TMEM164: variants seen among roughly 807,000 people sequenced by gnomAD.
TMEM164 encodes transmembrane protein 164.
A neutral mutation model predicts 18.8 loss-of-function variants in TMEM164; 4 were observed. The ratio of observed to expected loss-of-function variants is 0.21; its 90% CI spans 0.10 to 0.49. The LOEUF (loss-of-function observed/expected upper bound fraction) is 0.49. TMEM164 is among the 20% of genes least tolerant of loss of function. The pLI is 0.98. For missense variants in TMEM164, 108 were observed against 239.9 expected, an observed-to-expected ratio of 0.45 and a Z score of 3.63; for synonymous variants, 86 against 101.7, an observed-to-expected ratio of 0.85 and a Z score of 0.93.
At chrX:110,137,599 C>G (rs774236126) in intron 4 of TMEM164, among the ~76,000 whole-genome samples, 16 of 111,858 alleles carry the variant, frequency 1.4e-4, no homozygotes, top group African/African-American at 5.2e-4. Flanking sequence ...AACTACATAC[C>G]ATGCATGCCT....
At chrX:110,123,681 A>G (rs747106290) in intron 4 of TMEM164, among the ~76,000 whole-genome samples, 45 of 112,471 alleles carry the variant, frequency 4.0e-4, no homozygotes, top group African/African-American at 1.4e-3. Flanking sequence ...CAACAGAAAT[A>G]TTACCTCTAT....
chrX:110,183,196 T>C (rs1460278337), downstream of TMEM164, among the ~76,000 whole-genome samples: 4 of 112,068 alleles, frequency 3.6e-5, no homozygotes, highest in African/African-American at 6.5e-5. Context: ...GATTTGCCCA[T>C]AGGAGAGCAC....
intron 4 of TMEM164, among the ~76,000 whole-genome samples, chrX:110,111,431 C>G (rs906247124): frequency 4.4e-5 from 5 of 112,397 alleles, no homozygotes; most frequent in African/African-American, 1.6e-4. Context: ...TATCATCTCT[C>G]TGCTCCCCCT....
intron 2 of TMEM164, among the ~76,000 whole-genome samples, chrX:110,039,671 G>C (rs1161005984): frequency 1.8e-5 from 2 of 112,348 alleles, no homozygotes; most frequent in African/African-American, 6.5e-5. Flanking sequence ...CCATACTTAA[G>C]CATCATGTTC....
At chrX:110,083,383 A>AT (rs931748349) in intron 3 of TMEM164, among the ~76,000 whole-genome samples, 1 of 110,876 alleles carries the variant, frequency 9.0e-6, no homozygotes, top group Admixed American at 9.7e-5. Flanking sequence ...ATATGCTAGG[A>AT]TTTTTTCAGC....
At chrX:110,073,721 C>G (rs1351008255) in intron 3 of TMEM164, among the ~76,000 whole-genome samples, 1 of 112,042 alleles carries the variant, frequency 8.9e-6, no homozygotes, top group Non-Finnish European at 1.9e-5. Context: ...TCTTTGAGAA[C>G]TCTCCAACCT....
At chrX:110,031,837 T>C (rs1934525122) in intron 2 of TMEM164, among the ~76,000 whole-genome samples, 1 of 109,588 alleles carries the variant, frequency 9.1e-6, no homozygotes, top group Non-Finnish European at 1.9e-5. Context: ...AGATCAACTT[T>C]TTTAGTCCTG....
At chrX:110,014,694 G>A (rs1933208454) in intron 2 of TMEM164, among the ~76,000 whole-genome samples, 1 of 108,222 alleles carries the variant, frequency 9.2e-6, no homozygotes. Context: ...TGAGCTTGGG[G>A]GAATGGGGTG....
intron 6 of TMEM164, among the ~76,000 whole-genome samples, chrX:110,172,407 G>A (rs927994485): frequency 4.5e-5 from 5 of 111,904 alleles, no homozygotes; most frequent in Non-Finnish European, 1.9e-5. Context: ...GCATGACTAG[G>A]GCGTGTAACT....
At chrX:110,093,127 G>T (rs1328731345) in intron 3 of TMEM164, among the ~76,000 whole-genome samples, 1 of 111,763 alleles carries the variant, frequency 8.9e-6, no homozygotes, top group East Asian at 2.8e-4. Context: ...TTTTATTGAG[G>T]ATTTTTGCAT....
chrX:110,009,724 G>C (rs1236747141), intron 2 of TMEM164, among the ~76,000 whole-genome samples: 1 of 111,705 alleles, frequency 9.0e-6, no homozygotes, highest in Admixed American at 9.5e-5. Context: ...GCCAGGCATG[G>C]TGGCACACGC....
chrX:110,029,331 T>G (rs993517477), intron 2 of TMEM164, among the ~76,000 whole-genome samples: 1 of 111,755 alleles, frequency 8.9e-6, no homozygotes, highest in African/African-American at 3.3e-5. Flanking sequence ...TACTTCTGGT[T>G]GGTCAGACAT....
At position 110,173,137 on chromosome X, in the gene TMEM164, C is replaced by T. The variant is rs944868864; in HGVS notation, c.688-108C>T. Reference sequence around the variant, plus strand: ...CCTTTATAAACAGGTGGGGATTGGTCAATCCCTCCTTGTCTAGTCCCCCAT... The same window carrying T: ...CCTTTATAAACAGGTGGGGATTGGTTAATCCCTCCTTGTCTAGTCCCCCAT... On this transcript the variant is annotated intron_variant, in intron 6 of 6. Transcript: ENST00000372068. The T allele has an allele frequency of 1.5e-5, 12 of 804,805 alleles. No homozygotes were observed. In the South Asian group the frequency reaches 2.1e-4, roughly 14 times the overall value. The allele number at this position is 804,805 out of a possible 1,213,427, so 66.3% of individuals were successfully genotyped here.
At chrX:110,040,480 A>G (rs1008154520) in intron 2 of TMEM164, among the ~76,000 whole-genome samples, 2 of 112,084 alleles carry the variant, frequency 1.8e-5, no homozygotes, top group African/African-American at 6.5e-5. Context: ...GCAGCAACTC[A>G]GCGAGTTCCA....
chrX:110,074,296 G>A (rs1602574297), intron 3 of TMEM164, among the ~76,000 whole-genome samples: 1 of 111,534 alleles, frequency 9.0e-6, no homozygotes, highest in Non-Finnish European at 1.9e-5. Flanking sequence ...CCACTTTTTA[G>A]TCAGGTTATT....
chrX:110,020,949 TGA>T (rs1449565322), intron 2 of TMEM164, among the ~76,000 whole-genome samples: 3 of 80,670 alleles, frequency 3.7e-5, no homozygotes, highest in African/African-American at 1.5e-4. Flanking sequence ...ACCATATGTA[TGA>T]GAGAAACCCC....
chrX:110,021,748 C>T (rs980745610), intron 2 of TMEM164, among the ~76,000 whole-genome samples: 8 of 112,161 alleles, frequency 7.1e-5, no homozygotes, highest in Non-Finnish European at 1.5e-4. Context: ...CTAGGCTGGA[C>T]TAGCTAATCG....
At chrX:110,183,505 G>A (rs112946080), downstream of TMEM164, among the ~76,000 whole-genome samples, 2,078 of 112,175 alleles carry the variant, frequency 0.019, 46 homozygotes, top group African/African-American at 0.064. Flanking sequence ...CTACCTCATA[G>A]GCTATTGTGA....
At chrX:110,179,316 C>T (rs2067314149), downstream of TMEM164, among the ~76,000 whole-genome samples, 1 of 111,911 alleles carries the variant, frequency 8.9e-6, no homozygotes, top group African/African-American at 3.3e-5. Flanking sequence ...AGTCTGTATT[C>T]CCTCCTGCAG....
Sources: gnomAD v4.1 joint callset for allele counts (sites outside exome capture counted in the v4.1 genomes callset) on GRCh38, gnomAD v4.1.1 for gene constraint, MANE v1.5 for transcripts, NCBI Gene and HGNC (gene_info 2026-07-23, HGNC 2026-07-21) for gene names.